The following PHIP variants were observed in gnomAD, a reference collection of about 807,000 sequenced individuals.
PHIP encodes the protein PHIP subunit of CUL4-Ring ligase complex.
In PHIP, 54 loss-of-function variants were observed where a neutral mutation model predicts 236.8. That is an observed-to-expected ratio of 0.23 (90% CI 0.18 to 0.29). The LOEUF (loss-of-function observed/expected upper bound fraction) is 0.29. PHIP is among the 10% of genes least tolerant of loss of function. The pLI, the probability that PHIP is intolerant of heterozygous loss-of-function variation, is 1.00. For missense variants in PHIP, 1,370 were observed against 2,190.8 expected, an observed-to-expected ratio of 0.63 and a Z score of 7.48; for synonymous variants, 756 against 718.9, an observed-to-expected ratio of 1.05 and a Z score of -0.83.
At chr6:78,959,720 G>GT (rs989468660) in intron 31 of PHIP, among the ~76,000 whole-genome samples, 6 of 151,952 alleles carry the variant, frequency 3.9e-5, no homozygotes, top group East Asian at 1.9e-4. Flanking sequence ...TCTTTCAAAT[G>GT]TTTTTTTCCT....
intron 6 of PHIP, among the ~76,000 whole-genome samples, chr6:79,059,043 T>C (rs1193698183): frequency 6.6e-6 from 1 of 152,054 alleles, no homozygotes; most frequent in East Asian, 1.9e-4. Flanking sequence ...ATATTGAAAT[T>C]ATTTAAACAG....
intron 7 of PHIP, among the ~76,000 whole-genome samples, chr6:79,035,693 C>T (rs1226136891): frequency 3.9e-5 from 6 of 152,040 alleles, no homozygotes; most frequent in African/African-American, 1.4e-4. Context: ...GAAATGAATG[C>T]CAAAAATGTT....
chr6:78,955,339 T>C (rs1273725634), intron 33 of PHIP, 57 bp from the exon 34 acceptor site: 10 of 1,223,576 alleles, frequency 8.2e-6, no homozygotes, highest in Admixed American at 3.6e-5. Flanking sequence ...TTATACTTTA[T>C]AGTTGATTAA....
chr6:78,958,052 T>G (rs368508780), intron 32 of PHIP: 1 of 158,750 alleles, frequency 6.3e-6, no homozygotes, highest in African/African-American at 2.4e-5. Context: ...TTAACCACTA[T>G]AGGCCACAGT....
chr6:78,988,170 A>G, intron 21 of PHIP, 39 bp downstream of exon 21: 2 of 1,415,594 alleles, frequency 1.4e-6, no homozygotes, highest in Non-Finnish European at 1.9e-6. Flanking sequence ...AAAAATAAGT[A>G]AAAATGACAT....
intron 4 of PHIP, among the ~76,000 whole-genome samples, chr6:79,071,215 T>A (rs1428014708): frequency 2.0e-5 from 3 of 152,228 alleles, no homozygotes; most frequent in African/African-American, 7.2e-5. Context: ...AACTGATGAT[T>A]GCCTTCTCTG....
chr6:79,034,034 A>AAGACTTACAATAGGAACATCAG (rs1309806512), intron 7 of PHIP, among the ~76,000 whole-genome samples: 2 of 152,162 alleles, frequency 1.3e-5, no homozygotes, highest in Admixed American at 1.3e-4. Flanking sequence ...GCACCCTAAA[A>AAGACTTACAATAGGAACATCAG]AGACTTACAA....
chr6:78,975,465 AG>A (rs1459826875), intron 24 of PHIP, among the ~76,000 whole-genome samples: 1 of 152,234 alleles, frequency 6.6e-6, no homozygotes, highest in Non-Finnish European at 1.5e-5. Flanking sequence ...AACTGGCACA[AG>A]ACAGGGATGC....
At position 78,988,396 on chromosome 6, in the gene PHIP, G is replaced by A. The variant is rs778747181; in HGVS notation, c.2320-47C>T. 7.2e-6 allele frequency: 10 copies of A among 1,397,834 alleles called. No homozygotes were observed. The Admixed American group carries it at 2.5e-4, about 34-fold the overall frequency. The allele number at this position is 1,397,834 out of a possible 1,614,324, so 86.6% of individuals were successfully genotyped here. On this transcript the variant is annotated intron_variant, in intron 20 of 39. Transcript: ENST00000275034. ...TTATTCACAGATTGTTTAAAGAGCAGGATTTTTAGTTTAAAAGTTAAAATT... is the reference window on the plus strand; with the variant it reads ...TTATTCACAGATTGTTTAAAGAGCAAGATTTTTAGTTTAAAAGTTAAAATT...
At chr6:79,077,967 G>T in intron 1 of PHIP, 54 bp from the exon 2 acceptor site, 1 of 1,592,136 alleles carries the variant, frequency 6.3e-7, no homozygotes, top group Middle Eastern at 2.2e-4. Context: ...CGGGCGGCGG[G>T]GGGCGGGGGA....
intron 31 of PHIP, among the ~76,000 whole-genome samples, chr6:78,959,311 A>G (rs1766616646): frequency 6.6e-6 from 1 of 152,170 alleles, no homozygotes; most frequent in Non-Finnish European, 1.5e-5. Flanking sequence ...AAATACAATC[A>G]TATGGAATAA....
At chr6:78,970,646 C>T (rs565279093) in intron 25 of PHIP, 135 bp downstream of exon 25, 2 of 625,772 alleles carry the variant, frequency 3.2e-6, no homozygotes, top group African/African-American at 1.9e-5. Flanking sequence ...CTCCTACTCT[C>T]TAGGACTGCT....
intron 27 of PHIP, 62 bp from the exon 28 acceptor site, chr6:78,966,118 C>T (rs1767108889): frequency 1.9e-6 from 2 of 1,032,184 alleles, no homozygotes; most frequent in Non-Finnish European, 3.1e-6. Context: ...ACTGCTTTTT[C>T]CTAACGTTAA....
chr6:79,051,674 GAAGT>G (rs761379435), intron 6 of PHIP, among the ~76,000 whole-genome samples: 5 of 152,118 alleles, frequency 3.3e-5, no homozygotes, highest in African/African-American at 1.2e-4. Context: ...ATGATTCCAA[GAAGT>G]AAGCAAAAAA....
intron 6 of PHIP, among the ~76,000 whole-genome samples, chr6:79,046,319 C>T (rs770280580): frequency 6.6e-6 from 1 of 152,164 alleles, no homozygotes; most frequent in African/African-American, 2.4e-5. Flanking sequence ...TAAAGCCTAA[C>T]CTAACCAGCC....
chr6:78,990,122 G>T (rs1213255023), intron 20 of PHIP, among the ~76,000 whole-genome samples: 1 of 152,164 alleles, frequency 6.6e-6, no homozygotes, highest in African/African-American at 2.4e-5. Flanking sequence ...AAGAAGGCCA[G>T]TTATTTATTT....
intron 19 of PHIP, among the ~76,000 whole-genome samples, chr6:78,993,105 T>C (rs530647409): frequency 1.9e-4 from 29 of 152,364 alleles, no homozygotes; most frequent in Middle Eastern, 3.4e-3. Flanking sequence ...TTAAACCAGC[T>C]ACAACATTCC....
At chr6:78,971,652 CGCA>C (rs1767563169) in intron 24 of PHIP, among the ~76,000 whole-genome samples, 1 of 151,760 alleles carries the variant, frequency 6.6e-6, no homozygotes, top group Admixed American at 6.6e-5. Context: ...AGACAGTGGG[CGCA>C]GGTCAGTGGG....
chr6:78,956,278 TTCC>T (rs2127692449), intron 32 of PHIP: 1 of 152,246 alleles, frequency 6.6e-6, no homozygotes, highest in East Asian at 1.9e-4. Flanking sequence ...TTCTTTCCCT[TTCC>T]TCCTCCTTAT....
Sources: gnomAD v4.1 joint callset for allele counts (sites outside exome capture counted in the v4.1 genomes callset) on GRCh38, gnomAD v4.1.1 for gene constraint, MANE v1.5 for transcripts, NCBI Gene and HGNC (gene_info 2026-07-23, HGNC 2026-07-21) for gene names.